The following KCNK10 variants were observed in gnomAD, a reference collection of about 807,000 sequenced individuals.
KCNK10 encodes potassium two pore domain channel subfamily K member 10.
KCNK10 carries 25 observed loss-of-function variants against 47.7 expected under a neutral mutation model. The observed-to-expected ratio is 0.52, with a 90% CI of 0.38 to 0.73. KCNK10 has a LOEUF of 0.73. Among genes scored for constraint, KCNK10 ranks in the 30% least tolerant of loss-of-function variants. KCNK10 has a pLI of 0.00. For missense variants in KCNK10, 563 were observed against 714.5 expected (o/e 0.79, Z 2.42); for synonymous variants, 303 against 285.6 (o/e 1.06, Z -0.61).
chr14:88,185,378 C>A lies in KCNK10; in HGVS notation c.*157G>T. On this transcript the variant is annotated 3_prime_UTR_variant, in exon 7 of 7. Coordinates refer to ENST00000319231, the MANE Select transcript of KCNK10 (RefSeq NM_138317.3). This position sits in a 1 kb window ranked among gnomAD's most constrained non-coding sequence, Gnocchi z 4.3. ...TGTTCTCTGATTCCTTTTGGCAGAG[C>A]AAGCTTTCAGTTGTTTATGGCACAG... 1.8e-6 allele frequency: 2 copies of A among 1,085,548 alleles called. No individual in the cohort carries two copies. The highest frequency in any genetic ancestry group is 1.3e-6 in the Non-Finnish European group (1 of 779,738). 67.2% of individuals were successfully genotyped at this position (1,085,548 alleles called of 1,614,324 possible).
At chr14:88,209,210 C>A (rs1409603483) in intron 4 of KCNK10, among the ~76,000 whole-genome samples, 1 of 152,208 alleles carries the variant, frequency 6.6e-6, no homozygotes, top group Non-Finnish European at 1.5e-5. Flanking sequence ...CTTTTAGTAA[C>A]ACTTTGATGC....
chr14:88,214,620 T>C (rs1885561845), intron 4 of KCNK10, among the ~76,000 whole-genome samples: 1 of 152,194 alleles, frequency 6.6e-6, no homozygotes, highest in Middle Eastern at 3.4e-3. Context: ...GCAGCAGACA[T>C]GAGCAAGGGG....
At chr14:88,309,124 G>A (rs534654498) in intron 1 of KCNK10, among the ~76,000 whole-genome samples, 2 of 152,148 alleles carry the variant, frequency 1.3e-5, no homozygotes, top group Non-Finnish European at 2.9e-5. Flanking sequence ...AGAAGACTCC[G>A]GGCAAATATT....
chr14:88,188,243 G>T, intron 5 of KCNK10, 134 bp from the exon 6 acceptor site: 3 of 1,110,852 alleles, frequency 2.7e-6, no homozygotes, highest in Non-Finnish European at 4.0e-6. Context: ...CTGTGTACAA[G>T]GTGGACCGGG....
intron 1 of KCNK10, among the ~76,000 whole-genome samples, chr14:88,284,781 C>T (rs1386504895): frequency 6.6e-6 from 1 of 152,172 alleles, no homozygotes; most frequent in Non-Finnish European, 1.5e-5. Flanking sequence ...CCCTACAACA[C>T]CCTCACAGAC....
At chr14:88,232,848 C>A (rs1886193260) in intron 3 of KCNK10, among the ~76,000 whole-genome samples, 1 of 152,194 alleles carries the variant, frequency 6.6e-6, no homozygotes. Flanking sequence ...CCTTCCTGTG[C>A]ATAATTGGTA....
intron 2 of KCNK10, among the ~76,000 whole-genome samples, chr14:88,251,075 A>C (rs1475219961): frequency 6.6e-6 from 1 of 151,258 alleles, no homozygotes; most frequent in Non-Finnish European, 1.5e-5. Flanking sequence ...TCTACTAAAA[A>C]TACAAAAATT....
At chr14:88,215,331 C>A (rs145473232) in intron 4 of KCNK10, among the ~76,000 whole-genome samples, 1,554 of 152,262 alleles carry the variant, frequency 0.01, 15 homozygotes, top group Middle Eastern at 0.037. Flanking sequence ...CACCTATTCA[C>A]AGGATGGCAG....
intron 1 of KCNK10, among the ~76,000 whole-genome samples, chr14:88,290,743 T>C (rs985952485): frequency 2.0e-5 from 3 of 152,246 alleles, no homozygotes; most frequent in Non-Finnish European, 4.4e-5. Context: ...AGAAAATTCT[T>C]GCCAATGTCC....
At chr14:88,190,743 G>A (rs1434657351) in intron 5 of KCNK10, among the ~76,000 whole-genome samples, 2 of 152,112 alleles carry the variant, frequency 1.3e-5, no homozygotes, top group Non-Finnish European at 2.9e-5. Flanking sequence ...TTCAGTCTTT[G>A]TCTGCCCAAT....
At chr14:88,231,671 G>T (rs149873287) in intron 3 of KCNK10, among the ~76,000 whole-genome samples, 62 of 152,314 alleles carry the variant, frequency 4.1e-4, no homozygotes, top group African/African-American at 1.5e-3. Context: ...ACTTTCTCAC[G>T]TTGAATTAGT....
intron 2 of KCNK10, among the ~76,000 whole-genome samples, chr14:88,247,475 C>T (rs557400873): frequency 2.6e-5 from 4 of 152,272 alleles, no homozygotes; most frequent in South Asian, 2.1e-4. Flanking sequence ...ATTACAATGA[C>T]GTGTATTTTC....
intron 1 of KCNK10, among the ~76,000 whole-genome samples, chr14:88,312,680 T>C (rs1338450670): frequency 1.3e-5 from 2 of 152,224 alleles, no homozygotes; most frequent in African/African-American, 4.8e-5. Flanking sequence ...ACCCCACCTC[T>C]AGTTTCACAG....
chr14:88,321,909 G>C (rs926105952), intron 1 of KCNK10, among the ~76,000 whole-genome samples: 1 of 152,188 alleles, frequency 6.6e-6, no homozygotes, highest in African/African-American at 2.4e-5. Flanking sequence ...GTTCCAACTT[G>C]TTCTGCTCTC....
At chr14:88,326,479 G>T (rs1238763739), upstream of KCNK10, 2 of 1,607,458 alleles carry the variant, frequency 1.2e-6, no homozygotes, top group Admixed American at 1.7e-5. Flanking sequence ...CGCTCCAAGC[G>T]GTTCTGTCTC....
rs1391576688 is a variant in KCNK10 at position 88,240,779 on chromosome 14, T to C, written c.444A>G (p.Gly148=). Residue 148 remains glycine, a synonymous_variant, in exon 3 of 7, where the codon GGA becomes GGG. Transcript: ENST00000319231. ...DADNAGVSPI[G]NSSNNSSHWD... ...AGTGGCTGCTGTTGTTGGAAGAGTT[T>C]CCTATTGGACTGACTCCCGCATTGT... 6.2e-7 allele frequency: 1 copy of C among 1,613,712 alleles called. No homozygotes were observed. The highest frequency in any genetic ancestry group is 8.5e-7 in the Non-Finnish European group (1 of 1,179,744).
chr14:88,256,562 T>A (rs1423589602), intron 2 of KCNK10, among the ~76,000 whole-genome samples: 1 of 152,116 alleles, frequency 6.6e-6, no homozygotes, highest in East Asian at 1.9e-4. Flanking sequence ...CTGTGCTGAT[T>A]CCCTGAGCTC....
At chr14:88,258,959 G>T (rs1260397639) in intron 2 of KCNK10, among the ~76,000 whole-genome samples, 3 of 152,072 alleles carry the variant, frequency 2.0e-5, no homozygotes, top group Non-Finnish European at 4.4e-5. Context: ...CTTTATGAGG[G>T]GTTCACTCAA....
chr14:88,259,677 G>T (rs530908484), intron 2 of KCNK10, among the ~76,000 whole-genome samples: 1 of 152,154 alleles, frequency 6.6e-6, no homozygotes, highest in African/African-American at 2.4e-5. Context: ...GACTGGTCTC[G>T]AACTGCTGGG....
Sources: gnomAD v4.1 joint callset for allele counts (sites outside exome capture counted in the v4.1 genomes callset) on GRCh38, gnomAD v4.1.1 for gene constraint, Gnocchi (gnomAD v3.1) non-coding constraint, MANE v1.5 for transcripts, NCBI Gene and HGNC (gene_info 2026-07-23, HGNC 2026-07-21) for gene names.